LRMDA: variants seen among roughly 807,000 people sequenced by gnomAD.
LRMDA encodes leucine rich melanocyte differentiation associated.
Under a neutral mutation model 29.8 loss-of-function variants are expected in LRMDA, and 18 were observed. The observed-to-expected ratio is 0.60, with a 90% confidence interval of 0.42 to 0.90. The LOEUF is 0.90. LRMDA is among the 40% of genes least tolerant of loss of function. The pLI is 0.00. For synonymous variants in LRMDA, 125 were observed against 109.4 expected (o/e 1.14, Z -0.89); for missense variants, 273 against 273.9 (o/e 1.00, Z 0.02).
chr10:76,443,454 C>T (rs1012896243), intron 6 of LRMDA, among the ~76,000 whole-genome samples: 36 of 152,056 alleles, frequency 2.4e-4, no homozygotes, highest in African/African-American at 6.8e-4. Context: ...TAGTACTTTG[C>T]GGATTAGATA....
At chr10:75,880,418 AT>A (rs879507519) in intron 2 of LRMDA, among the ~76,000 whole-genome samples, 7 of 152,232 alleles carry the variant, frequency 4.6e-5, no homozygotes, top group Non-Finnish European at 7.3e-5. Context: ...CATTTTACAA[AT>A]TTCTGTGTAA....
At chr10:76,166,955 G>A (rs920886510) in intron 5 of LRMDA, among the ~76,000 whole-genome samples, 1 of 152,070 alleles carries the variant, frequency 6.6e-6, no homozygotes, top group Non-Finnish European at 1.5e-5. Flanking sequence ...GCCAGCATCT[G>A]TCTTATTTTT....
At chr10:75,785,256 G>A (rs1002504455) in intron 2 of LRMDA, among the ~76,000 whole-genome samples, 16 of 152,062 alleles carry the variant, frequency 1.1e-4, no homozygotes, top group Non-Finnish European at 1.6e-4. Flanking sequence ...TGAACTTTTG[G>A]TCTGCTTCTG....
At chr10:76,534,788 T>C (rs937775718) in intron 6 of LRMDA, among the ~76,000 whole-genome samples, 2 of 152,164 alleles carry the variant, frequency 1.3e-5, no homozygotes, top group Admixed American at 1.3e-4. Flanking sequence ...TTATTGCCAT[T>C]CAAAATATGA....
intron 2 of LRMDA, among the ~76,000 whole-genome samples, chr10:75,904,726 C>T (rs1323134490): frequency 6.6e-6 from 1 of 152,146 alleles, no homozygotes; most frequent in African/African-American, 2.4e-5. Context: ...GAGACCAAGT[C>T]AACATCAGCC....
At chr10:76,447,158 C>T (rs1383482453) in intron 6 of LRMDA, among the ~76,000 whole-genome samples, 2 of 151,442 alleles carry the variant, frequency 1.3e-5, no homozygotes, top group African/African-American at 4.9e-5. Flanking sequence ...GAAACTCTTG[C>T]GTTAATTTCA....
chr10:76,002,799 G>A (rs1847583399), intron 2 of LRMDA, among the ~76,000 whole-genome samples: 1 of 152,104 alleles, frequency 6.6e-6, no homozygotes, highest in Non-Finnish European at 1.5e-5. Flanking sequence ...TACATTTCTG[G>A]GAAGTCTCAG....
At chr10:76,380,740 C>T (rs1372001974) in intron 6 of LRMDA, among the ~76,000 whole-genome samples, 1 of 149,322 alleles carries the variant, frequency 6.7e-6, no homozygotes, top group Admixed American at 6.7e-5. Flanking sequence ...CAATAAAGTG[C>T]TTAAAAAGTG....
intron 2 of LRMDA, among the ~76,000 whole-genome samples, chr10:75,755,758 C>A (rs911973016): frequency 6.6e-6 from 1 of 152,236 alleles, no homozygotes; most frequent in Non-Finnish European, 1.5e-5. Flanking sequence ...GCAGCGGCAT[C>A]AAAAGCTAGC....
At chr10:75,500,455 T>C (rs1358022669) in intron 2 of LRMDA, among the ~76,000 whole-genome samples, 1 of 152,230 alleles carries the variant, frequency 6.6e-6, no homozygotes, top group Non-Finnish European at 1.5e-5. Flanking sequence ...AGATGATCTC[T>C]TAAGAATTCT....
chr10:75,685,324 C>A (rs1842068379), intron 2 of LRMDA, among the ~76,000 whole-genome samples: 1 of 151,990 alleles, frequency 6.6e-6, no homozygotes, highest in African/African-American at 2.4e-5. Context: ...TTGGAGAGTT[C>A]TCCTGGCCTG....
chr10:76,092,288 A>T (rs1277842458), intron 5 of LRMDA, among the ~76,000 whole-genome samples: 1 of 152,208 alleles, frequency 6.6e-6, no homozygotes, highest in Non-Finnish European at 1.5e-5. Context: ...GTGTTGAGTT[A>T]TGTAGGCTAT....
chr10:76,137,717 C>T (rs1472167359), intron 5 of LRMDA, among the ~76,000 whole-genome samples: 1 of 149,316 alleles, frequency 6.7e-6, no homozygotes, highest in Non-Finnish European at 1.5e-5. Context: ...ACACCAAAAA[C>T]AACGAAATGC....
At chr10:76,007,678 C>T (rs755767144) in intron 2 of LRMDA, among the ~76,000 whole-genome samples, 1 of 152,138 alleles carries the variant, frequency 6.6e-6, no homozygotes, top group Non-Finnish European at 1.5e-5. Context: ...AGGCAATTTC[C>T]AGACTAATTT....
intron 6 of LRMDA, among the ~76,000 whole-genome samples, chr10:76,536,413 G>A (rs2172076): frequency 0.42 from 62,939 of 151,636 alleles, 14,192 homozygotes; most frequent in African/African-American, 0.56. Context: ...GCCCCAGACC[G>A]GCAGTGTCAC....
intron 4 of LRMDA, 63 bp from the exon 5 acceptor site, chr10:76,058,603 C>G: frequency 7.6e-7 from 1 of 1,318,572 alleles, no homozygotes; most frequent in South Asian, 1.2e-5. Context: ...ATCAGACAAG[C>G]TGTCGGGATC....
At chr10:76,523,444 C>G (rs538279047) in intron 6 of LRMDA, among the ~76,000 whole-genome samples, 93 of 152,302 alleles carry the variant, frequency 6.1e-4, no homozygotes, top group Admixed American at 1.2e-3. Flanking sequence ...ACCTTCCCAA[C>G]TCAAGGCGGG....
At chr10:76,132,281 T>C (rs1850007028) in intron 5 of LRMDA, among the ~76,000 whole-genome samples, 1 of 152,156 alleles carries the variant, frequency 6.6e-6, no homozygotes, top group African/African-American at 2.4e-5. Context: ...AGCAGACCTG[T>C]GCTTGAGAGA....
At chr10:76,210,515 A>G (rs567246654) in intron 5 of LRMDA, among the ~76,000 whole-genome samples, 1 of 152,242 alleles carries the variant, frequency 6.6e-6, no homozygotes, top group Non-Finnish European at 1.5e-5. Context: ...TTAATTTTTC[A>G]TCAAGGATGC....
Sources: allele counts gnomAD v4.1 joint callset (sites outside exome capture counted in the v4.1 genomes callset), GRCh38; gene constraint gnomAD v4.1.1; transcripts MANE v1.5; gene names NCBI Gene and HGNC (gene_info 2026-07-23, HGNC 2026-07-21).